SPIDR: variants seen among roughly 807,000 people sequenced by gnomAD.
The protein encoded by SPIDR is DNA repair-scaffolding protein.
SPIDR carries 93 observed loss-of-function variants against 104.6 expected under a neutral mutation model. The ratio of observed to expected loss-of-function variants is 0.89; its 90% confidence interval spans 0.75 to 1.06. The LOEUF is 1.06. Ranked by LOEUF, SPIDR falls within the 50% of genes least tolerant of loss-of-function variation. The pLI, the probability that SPIDR is intolerant of heterozygous loss-of-function variation, is 0.00. For missense variants in SPIDR, 1,154 were observed against 1,111.2 expected (o/e 1.04, Z -0.55); for synonymous variants, 431 against 416.9 (o/e 1.03, Z -0.41).
chr8:47,650,980 A>G (rs2071504692), intron 10 of SPIDR, among the ~76,000 whole-genome samples: 1 of 152,202 alleles, frequency 6.6e-6, no homozygotes, highest in East Asian at 1.9e-4. Flanking sequence ...TAAATCTAAG[A>G]CCTGAAACCA....
At chr8:47,371,795 G>A (rs1251661672) in intron 5 of SPIDR, among the ~76,000 whole-genome samples, 2 of 152,116 alleles carry the variant, frequency 1.3e-5, no homozygotes, top group African/African-American at 4.8e-5. Flanking sequence ...AAAATTAATA[G>A]GAAGTAACTG....
intron 8 of SPIDR, among the ~76,000 whole-genome samples, chr8:47,574,530 G>T (rs1166262851): frequency 6.6e-6 from 1 of 151,952 alleles, no homozygotes; most frequent in Non-Finnish European, 1.5e-5. Context: ...GGCTGAGGCG[G>T]GTGGATCACT....
chr8:47,340,434 G>A (rs1481287361), intron 5 of SPIDR, among the ~76,000 whole-genome samples: 4 of 151,978 alleles, frequency 2.6e-5, no homozygotes, highest in Non-Finnish European at 4.4e-5. Flanking sequence ...GCGAAACCCC[G>A]TCTCTACTAA....
At chr8:47,390,329 T>G (rs1204732319) in intron 5 of SPIDR, among the ~76,000 whole-genome samples, 1 of 152,124 alleles carries the variant, frequency 6.6e-6, no homozygotes, top group Non-Finnish European at 1.5e-5. Flanking sequence ...TGTTACAGTT[T>G]TGTTTTAATG....
At chr8:47,460,144 A>G (rs1431623508) in intron 8 of SPIDR, among the ~76,000 whole-genome samples, 1 of 152,146 alleles carries the variant, frequency 6.6e-6, no homozygotes, top group Non-Finnish European at 1.5e-5. Context: ...TAAATATGTT[A>G]AGTCCATTTG....
chr8:47,539,331 C>A (rs1469139704), intron 8 of SPIDR, among the ~76,000 whole-genome samples: 1 of 152,176 alleles, frequency 6.6e-6, no homozygotes, highest in African/African-American at 2.4e-5. Context: ...TTTCTTACAT[C>A]ATTAAAAGGC....
At chr8:47,727,390 C>G in intron 17 of SPIDR, 97 bp downstream of exon 17, 2 of 1,094,430 alleles carry the variant, frequency 1.8e-6, no homozygotes, top group South Asian at 2.7e-5. Context: ...AGGTGACTCC[C>G]TCGAGAGCTC....
At chr8:47,322,247 A>G (rs1420179852) in intron 5 of SPIDR, among the ~76,000 whole-genome samples, 7 of 152,246 alleles carry the variant, frequency 4.6e-5, no homozygotes, top group Non-Finnish European at 1.0e-4. Flanking sequence ...CAAATTTTCA[A>G]GAAAAAAACG....
intron 5 of SPIDR, among the ~76,000 whole-genome samples, chr8:47,298,552 G>T (rs1235472343): frequency 1.3e-5 from 2 of 152,164 alleles, no homozygotes; most frequent in African/African-American, 2.4e-5. Context: ...GAATGGTATT[G>T]CCTAGGTTTT....
At chr8:47,599,249 G>A (rs1365458752) in intron 10 of SPIDR, 53 bp downstream of exon 10, 2 of 1,595,584 alleles carry the variant, frequency 1.3e-6, no homozygotes, top group Non-Finnish European at 8.6e-7. Flanking sequence ...CTTAGACAGA[G>A]TGCTCTAGAA....
intron 5 of SPIDR, among the ~76,000 whole-genome samples, chr8:47,346,177 C>G (rs569977766): frequency 6.6e-6 from 1 of 152,108 alleles, no homozygotes; most frequent in Admixed American, 6.6e-5. Context: ...GCATGAAGTA[C>G]TGTTGAATTT....
intron 16 of SPIDR, among the ~76,000 whole-genome samples, chr8:47,719,465 C>T (rs1390656365): frequency 6.6e-6 from 1 of 151,824 alleles, no homozygotes; most frequent in African/African-American, 2.4e-5. Context: ...GCCGAGACTG[C>T]ACCACTGCAC....
At chr8:47,575,493 A>C (rs1475366193) in intron 8 of SPIDR, among the ~76,000 whole-genome samples, 1 of 149,392 alleles carries the variant, frequency 6.7e-6, no homozygotes, top group African/African-American at 2.5e-5. Context: ...AATACAAAAA[A>C]AAAATTAGCC....
At position 47,735,345 on chromosome 8, in the gene SPIDR, G is replaced by A. The variant is rs2086123790; in HGVS notation, c.2643G>A (p.Gly881=). 3 of 1,613,656 alleles carry A rather than the reference G, an allele frequency of 1.9e-6. No homozygotes were observed. The highest frequency in any genetic ancestry group is 2.5e-6 in the Non-Finnish European group (3 of 1,179,812). Residue 881 remains glycine (G), a synonymous_variant, in exon 20 of 20, where the codon GGG becomes GGA. Coordinates refer to ENST00000297423, the MANE Select transcript of SPIDR (RefSeq NM_001080394.4). ...AGAGTGTCCTCGGAAAGGAAGTGGG[G>A]TTGTTAAATTGTTTTGTCCAGTCCG... The part of the protein sequence containing the change: ...EVKSVLGKEV[G]LLNCFVQSVT...
chr8:47,399,722 G>A (rs1330800638), intron 6 of SPIDR, among the ~76,000 whole-genome samples: 4 of 152,202 alleles, frequency 2.6e-5, no homozygotes, highest in Admixed American at 2.6e-4. Flanking sequence ...GGGTTGACAG[G>A]AGTTCCGAGA....
chr8:47,510,431 G>A (rs1263084685), intron 8 of SPIDR, among the ~76,000 whole-genome samples: 2 of 152,092 alleles, frequency 1.3e-5, no homozygotes, highest in Non-Finnish European at 1.5e-5. Context: ...TTTATTCCAA[G>A]GAAATTGTTT....
At chr8:47,556,839 A>G (rs565314550) in intron 8 of SPIDR, among the ~76,000 whole-genome samples, 6 of 152,264 alleles carry the variant, frequency 3.9e-5, no homozygotes, top group Admixed American at 1.3e-4. Context: ...CCTGGCCTCA[A>G]GCAGCCCTCC....
At chr8:47,542,549 C>G (rs747541568) in intron 8 of SPIDR, among the ~76,000 whole-genome samples, 1 of 152,040 alleles carries the variant, frequency 6.6e-6, no homozygotes, top group African/African-American at 2.4e-5. Flanking sequence ...AAGCACTTCC[C>G]CTGCTTGAAA....
intron 8 of SPIDR, among the ~76,000 whole-genome samples, chr8:47,503,650 G>T (rs1297360271): frequency 6.6e-6 from 1 of 152,110 alleles, no homozygotes; most frequent in East Asian, 1.9e-4. Flanking sequence ...GGTTAATATT[G>T]TTATGTGTGA....
Sources: allele counts gnomAD v4.1 joint callset (sites outside exome capture counted in the v4.1 genomes callset), GRCh38; gene constraint gnomAD v4.1.1; transcripts MANE v1.5; gene names NCBI Gene and HGNC (gene_info 2026-07-23, HGNC 2026-07-21).